KRABD2: variants seen among roughly 807,000 people sequenced by gnomAD.
KRABD2 encodes KRAB domain containing 2, also known as KRAB domain-containing protein 2.
chr17:8,361,688 G>A, the KRABD2 span, among the ~76,000 whole-genome samples: 8 of 152,244 alleles, frequency 5.3e-5, no homozygotes, highest in South Asian at 1.7e-3. Flanking sequence ...CACCCAAGTA[G>A]CTGGGCCTAC....
chr17:8,376,175 C>T, the KRABD2 span: 1 of 1,231,644 alleles, frequency 8.1e-7, no homozygotes, highest in South Asian at 4.1e-5. Context: ...CAGAGCTGAG[C>T]ACAAAAGATG....
the KRABD2 span, chr17:8,370,412 A>C: frequency 6.9e-7 from 1 of 1,458,868 alleles, no homozygotes; most frequent in African/African-American, 1.4e-5. Context: ...AAGAGAACAA[A>C]GTTAAATTCA....
At chr17:8,369,924 A>G in the KRABD2 span, 1 of 1,614,212 alleles carries the variant, frequency 6.2e-7, no homozygotes, top group Non-Finnish European at 8.5e-7. Context: ...AGTCAGATAT[A>G]AGACAATAAC....
the KRABD2 span, chr17:8,369,244 T>C: frequency 1.9e-6 from 3 of 1,614,194 alleles, no homozygotes; most frequent in Non-Finnish European, 2.5e-6. Context: ...ATCTCAGCCC[T>C]TTCTTCCTGC....
the KRABD2 span, chr17:8,373,738 C>A: frequency 5.9e-6 from 1 of 170,192 alleles, no homozygotes; most frequent in South Asian, 1.3e-4. Flanking sequence ...AGGGTCTCTG[C>A]CCAGCCGCCC....
chr17:8,369,242 CCTTT>C, the KRABD2 span: 1 of 1,614,188 alleles, frequency 6.2e-7, no homozygotes, highest in Non-Finnish European at 8.5e-7. Context: ...CAATCTCAGC[CCTTT>C]CTTCCTGCCT....
At chr17:8,371,505 GAC>G in the KRABD2 span, 1 of 1,605,506 alleles carries the variant, frequency 6.2e-7, no homozygotes, top group Non-Finnish European at 8.5e-7. Flanking sequence ...CTGGGGAAGA[GAC>G]AAGAGAGGGC....
chr17:8,372,919 A>G, the KRABD2 span, among the ~76,000 whole-genome samples: 2 of 152,216 alleles, frequency 1.3e-5, no homozygotes, highest in African/African-American at 4.8e-5. The surrounding 1 kb of genome is among the most constrained non-coding windows in gnomAD (Gnocchi z 4.1). Flanking sequence ...AAAAGAAAAA[A>G]AAGAATGAAG....
At chr17:8,367,588 G>T in the KRABD2 span, among the ~76,000 whole-genome samples, 2 of 151,594 alleles carry the variant, frequency 1.3e-5, no homozygotes, top group African/African-American at 2.4e-5. Context: ...GCTTGAACTG[G>T]GGAGGCAGAG....
the KRABD2 span, among the ~76,000 whole-genome samples, chr17:8,370,783 G>A: frequency 3.3e-5 from 5 of 152,206 alleles, no homozygotes; most frequent in Non-Finnish European, 5.9e-5. Flanking sequence ...ATAAATGGGA[G>A]AACGTTGCTA....
At chr17:8,369,387 T>G in the KRABD2 span, 35 of 1,614,246 alleles carry the variant, frequency 2.2e-5, no homozygotes, top group Non-Finnish European at 2.9e-5. Flanking sequence ...AAACATTGCC[T>G]CAAATGGACT....
chr17:8,374,101 G>C, the KRABD2 span, among the ~76,000 whole-genome samples: 1 of 150,886 alleles, frequency 6.6e-6, no homozygotes, highest in Non-Finnish European at 1.5e-5. Context: ...CCCCTCTGCC[G>C]GGCCGCCACC....
the KRABD2 span, chr17:8,375,701 CTT>C: frequency 1.6e-3 from 228 of 146,708 alleles, no homozygotes; most frequent in Middle Eastern, 3.1e-3. Flanking sequence ...TCTTTTCTTT[CTT>C]TTTTTTTTTT....
chr17:8,376,166 A>G, the KRABD2 span: 1 of 1,231,718 alleles, frequency 8.1e-7, no homozygotes, highest in Non-Finnish European at 1.0e-6. Flanking sequence ...CCACGAATAC[A>G]GAGCTGAGCA....
At chr17:8,369,421 C>T in the KRABD2 span, 1 of 1,614,208 alleles carries the variant, frequency 6.2e-7, no homozygotes, top group South Asian at 1.1e-5. Context: ...ACGTCGAAAG[C>T]CTGATTCCTC....
the KRABD2 span, chr17:8,375,934 A>T: frequency 1.2e-5 from 15 of 1,230,104 alleles, no homozygotes; most frequent in Non-Finnish European, 1.4e-5. Flanking sequence ...TCCGACTCGG[A>T]ATGTCCTCGC....
At chr17:8,363,766 ATCATACATATATATG>A in the KRABD2 span, among the ~76,000 whole-genome samples, 4 of 147,996 alleles carry the variant, frequency 2.7e-5, no homozygotes, top group African/African-American at 7.4e-5. Flanking sequence ...ACATATATAT[ATCATACATATATATG>A]TCATACATAT....
Sources: allele counts gnomAD v4.1 joint callset (sites outside exome capture counted in the v4.1 genomes callset), GRCh38; gene constraint gnomAD v4.1.1; non-coding constraint Gnocchi (gnomAD v3.1); transcripts MANE v1.5; gene names NCBI Gene and HGNC (gene_info 2026-07-23, HGNC 2026-07-21).